FOXP1: variants seen among roughly 807,000 people sequenced by gnomAD.
The protein encoded by FOXP1 is forkhead box protein P1.
FOXP1 carries 15 observed loss-of-function variants against 98.2 expected under a neutral mutation model. The observed-to-expected ratio is 0.15, with a 90% CI of 0.10 to 0.24. The LOEUF (loss-of-function observed/expected upper bound fraction) is 0.24. Among genes scored for constraint, FOXP1 ranks in the 10% least tolerant of loss-of-function variants. The probability of loss-of-function intolerance (pLI) is 1.00; values close to 1 mark genes in which losing one functional copy is unlikely to be tolerated. For missense variants in FOXP1, 633 were observed against 848.5 expected, an observed-to-expected ratio of 0.75 and a Z score of 3.15; for synonymous variants, 371 against 314.5, an observed-to-expected ratio of 1.18 and a Z score of -1.90.
intron 4 of FOXP1, among the ~76,000 whole-genome samples, chr3:71,341,100 A>ACTAGGAACCAACCAGGC (rs370648100): frequency 6.6e-6 from 1 of 152,186 alleles, no homozygotes; most frequent in African/African-American, 2.4e-5. Flanking sequence ...CATGAACAAC[A>ACTAGGAACCAACCAGGC]CTAGGAACCA....
At chr3:71,503,021 T>G (rs1577888207) in intron 2 of FOXP1, among the ~76,000 whole-genome samples, 1 of 146,990 alleles carries the variant, frequency 6.8e-6, no homozygotes, top group East Asian at 1.9e-4. Flanking sequence ...AATGTAAAAC[T>G]GAAAAGCCTT....
chr3:70,988,867 A>C (rs1341751011), intron 13 of FOXP1, among the ~76,000 whole-genome samples: 1 of 152,210 alleles, frequency 6.6e-6, no homozygotes, highest in Admixed American at 6.5e-5. Context: ...TTACTTCTGT[A>C]AAAGAAGTGG....
chr3:71,075,715 TG>T (rs1277266354), intron 7 of FOXP1, among the ~76,000 whole-genome samples: 10 of 55,556 alleles, frequency 1.8e-4, no homozygotes, highest in South Asian at 9.5e-4. Context: ...GGGTTTTTTT[TG>T]TTTTTTTTTT....
intron 7 of FOXP1, among the ~76,000 whole-genome samples, chr3:71,056,329 T>C (rs2050635807): frequency 1.3e-5 from 2 of 152,202 alleles, no homozygotes; most frequent in Admixed American, 6.5e-5. Context: ...GACTGACATA[T>C]ACCTGTACAG....
At chr3:71,415,511 G>A (rs2083146298) in intron 3 of FOXP1, among the ~76,000 whole-genome samples, 1 of 152,122 alleles carries the variant, frequency 6.6e-6, no homozygotes, top group African/African-American at 2.4e-5. Flanking sequence ...AAGGAATGTA[G>A]AAATCATGGA....
chr3:71,470,219 C>A (rs2089197045), intron 3 of FOXP1, among the ~76,000 whole-genome samples: 5 of 152,146 alleles, frequency 3.3e-5, no homozygotes, highest in Admixed American at 3.3e-4. Flanking sequence ...AGTTATTTAA[C>A]ATCTCCTTAA....
At chr3:71,125,002 C>A (rs374448552) in intron 6 of FOXP1, among the ~76,000 whole-genome samples, 1 of 152,186 alleles carries the variant, frequency 6.6e-6, no homozygotes, top group Admixed American at 6.5e-5. Context: ...CATGGTTTAT[C>A]TGCAGTTACA....
At position 71,112,628 on chromosome 3, in the gene FOXP1, C is replaced by T; in HGVS notation, c.190G>A (p.Val64Met). 6.2e-7 allele frequency: 1 copy of T among 1,613,672 alleles called. No homozygotes were observed. The highest frequency in any genetic ancestry group is 8.5e-7 in the Non-Finnish European group (1 of 1,179,604). Reference sequence around the variant, plus strand: ...TGCTGAAGAAGGAGCTGTCTTGCCACCTGAAGTGCCTGGAAGGAAAAACAA... The same window carrying T: ...TGCTGAAGAAGGAGCTGTCTTGCCATCTGAAGTGCCTGGAAGGAAAAACAA... ...AQQQQQQALQVARQLLLQQQQ... is the reference protein window; with the variant it reads ...AQQQQQQALQMARQLLLQQQQ... Residue 64 changes from valine (V) to methionine (M), a missense_variant, in exon 7 of 21, where the codon GTG (valine) becomes ATG (methionine). Val to Met is a conservative substitution (Grantham distance 21, BLOSUM62 1). This residue lies in a region of FOXP1 where 210 missense variants were observed against 270.6 expected (regional missense o/e 0.78). Transcript: ENST00000649528.
At chr3:71,137,048 G>A (rs1164626885) in intron 6 of FOXP1, among the ~76,000 whole-genome samples, 1 of 152,154 alleles carries the variant, frequency 6.6e-6, no homozygotes, top group Non-Finnish European at 1.5e-5. Flanking sequence ...AGCAGGATGA[G>A]GGCAATTTAT....
intron 7 of FOXP1, among the ~76,000 whole-genome samples, chr3:71,096,626 T>C (rs1310778891): frequency 2.0e-5 from 3 of 152,238 alleles, no homozygotes; most frequent in Non-Finnish European, 4.4e-5. Flanking sequence ...AGTCCCATTA[T>C]GTCTTGGATT....
Position 71,340,856 on chromosome 3 carries a change from A to G in FOXP1, c.-73+18294T>C, listed in dbSNP as rs536495792. 2.6e-5 allele frequency among the ~76,000 whole-genome samples: 4 copies of G among 152,090 alleles called. No homozygotes were observed. The South Asian group carries it at 8.3e-4, about 32-fold the overall frequency. ...CTAAACTTTTTCAGAGAGTGTTTTA[A>G]TTCTTAAACACTAAAGCTGAATGAA... is the stretch of plus-strand genomic sequence containing the variant. On this transcript the variant is annotated intron_variant, in intron 4 of 20. Transcript: ENST00000649528.
At chr3:71,407,661 C>CGTGTGT (rs112188528) in intron 3 of FOXP1, among the ~76,000 whole-genome samples, 2 of 150,022 alleles carry the variant, frequency 1.3e-5, no homozygotes, top group African/African-American at 4.9e-5. Flanking sequence ...AAGAACTGTG[C>CGTGTGT]GTGTGTGTGT....
intron 5 of FOXP1, among the ~76,000 whole-genome samples, chr3:71,278,254 T>C (rs2071127904): frequency 6.6e-6 from 1 of 152,200 alleles, no homozygotes; most frequent in South Asian, 2.1e-4. Flanking sequence ...CTTTTGATAT[T>C]ATTCCTGTTT....
At chr3:71,198,533 T>G (rs2063454974) in intron 5 of FOXP1, 141 bp from the exon 6 acceptor site, 2 of 746,168 alleles carry the variant, frequency 2.7e-6, no homozygotes, top group East Asian at 2.7e-5. Flanking sequence ...TTTCTTTCAC[T>G]CAACTTATCC....
At chr3:71,438,352 CA>C (rs1426142532) in intron 3 of FOXP1, among the ~76,000 whole-genome samples, 1 of 152,134 alleles carries the variant, frequency 6.6e-6, no homozygotes, top group Non-Finnish European at 1.5e-5. Context: ...GGATTGCTTT[CA>C]AAAATGTGAA....
intron 4 of FOXP1, among the ~76,000 whole-genome samples, chr3:71,323,966 A>G (rs1244862887): frequency 2.0e-5 from 3 of 152,112 alleles, no homozygotes; most frequent in Non-Finnish European, 4.4e-5. Context: ...TAATTAGTAA[A>G]AGGACAGGGC....
At chr3:71,299,056 A>G (rs2073615573) in intron 5 of FOXP1, among the ~76,000 whole-genome samples, 1 of 152,234 alleles carries the variant, frequency 6.6e-6, no homozygotes, top group Non-Finnish European at 1.5e-5. Flanking sequence ...CGGCAGGATC[A>G]TCTTCTGTAA....
At chr3:70,986,531 C>A (rs1206316215) in intron 14 of FOXP1, among the ~76,000 whole-genome samples, 1 of 152,232 alleles carries the variant, frequency 6.6e-6, no homozygotes, top group Non-Finnish European at 1.5e-5. Flanking sequence ...TCAAAAAGTT[C>A]CAAGGCAGTG....
At chr3:71,376,572 T>A (rs573798189) in intron 3 of FOXP1, among the ~76,000 whole-genome samples, 1 of 152,368 alleles carries the variant, frequency 6.6e-6, no homozygotes, top group African/African-American at 2.4e-5. Flanking sequence ...AAATTGGAAC[T>A]TGTGGCCATC....
Sources: allele counts gnomAD v4.1 joint callset (sites outside exome capture counted in the v4.1 genomes callset), GRCh38; gene constraint gnomAD v4.1.1; regional missense constraint gnomAD v4.1.1; transcripts MANE v1.5; gene names NCBI Gene and HGNC (gene_info 2026-07-23, HGNC 2026-07-21).